Variants in NOXA1 observed in about 807,000 individuals in gnomAD.
NOXA1 encodes NCF2-like protein.
Under a neutral mutation model 64.8 loss-of-function variants are expected in NOXA1, and 56 were observed. The observed-to-expected ratio is 0.86, with a 90% CI of 0.70 to 1.08. The LOEUF is 1.08. Among genes scored for constraint, NOXA1 ranks in the 50% least tolerant of loss-of-function variants. The pLI is 0.00. For missense variants in NOXA1, 668 were observed against 658.5 expected (o/e 1.01, Z -0.16); for synonymous variants, 295 against 294.8 (o/e 1.00, Z -0.01).
chr9:137,431,773 C>T lies in NOXA1; in HGVS notation c.804+432C>T, dbSNP rs973364183. On this transcript the variant is annotated intron_variant, in intron 8 of 13. Transcript: ENST00000683555. This position sits in a 1 kb window ranked among gnomAD's most constrained non-coding sequence, Gnocchi z 5.6. ...AGCGACTCCATCCCCCGAGTCCTCC[C>T]GGACACCCCGGCACCTGGGGAGAGG... Among the ~76,000 whole-genome samples the T allele has an allele frequency of 2.6e-5, 4 of 152,176 alleles. No homozygotes were observed. The highest frequency in any genetic ancestry group is 1.3e-4 in the Admixed American group (2 of 15,288).
At chr9:137,433,360 G>T in intron 10 of NOXA1, 93 bp from the exon 11 acceptor site, 1 of 1,495,174 alleles carries the variant, frequency 6.7e-7, no homozygotes, top group South Asian at 1.3e-5. Context: ...CCCCTCACCT[G>T]CCCAGTCTCT....
At chr9:137,428,668 G>T in intron 3 of NOXA1, among the ~76,000 whole-genome samples, 1 of 149,114 alleles carries the variant, frequency 6.7e-6, no homozygotes, top group Non-Finnish European at 1.5e-5. Flanking sequence ...GGGGCCGGGT[G>T]GGGGGATTGG....
At chr9:137,425,409 G>A (rs755929438) in intron 1 of NOXA1, among the ~76,000 whole-genome samples, 2 of 151,992 alleles carry the variant, frequency 1.3e-5, no homozygotes, top group African/African-American at 4.8e-5. Flanking sequence ...TTTTTGAGAC[G>A]GAATCTCGCT....
chr9:137,424,076 G>A (rs1436311517), intron 1 of NOXA1, among the ~76,000 whole-genome samples: 4 of 152,118 alleles, frequency 2.6e-5, no homozygotes, highest in African/African-American at 7.2e-5. Flanking sequence ...CCCACTCCCC[G>A]AAACAGCCAG....
chr9:137,431,182 G>A lies in NOXA1; in HGVS notation c.699-54G>A. On this transcript the variant is annotated intron_variant, in intron 7 of 13. Coordinates refer to ENST00000683555, the MANE Select transcript of NOXA1 (RefSeq NM_001256067.2). The surrounding 1 kb of genome is among the most constrained non-coding windows in gnomAD (Gnocchi z 5.6). ...CTCCACATGGGGCCACGCGGGCCGG[G>A]CACAGGAGGGCAGTCAGATGGGCAG... 3 of 1,609,558 alleles carry A rather than the reference G, an allele frequency of 1.9e-6. No individual in the cohort carries two copies. Among genetic ancestry groups the A allele is most frequent in the Non-Finnish European group, 2.5e-6 (3 of 1,177,402 alleles).
intron 2 of NOXA1, 81 bp from the exon 3 acceptor site, chr9:137,427,952 C>T (rs28580293): frequency 7.4e-6 from 7 of 949,940 alleles, no homozygotes; most frequent in African/African-American, 4.9e-5. Context: ...GGGGGCGGCT[C>T]GAGCGGGGCT....
At chr9:137,433,431 T>C (rs1839207830) in intron 10 of NOXA1, 22 bp from the exon 11 acceptor site, 1 of 1,582,230 alleles carries the variant, frequency 6.3e-7, no homozygotes, top group Non-Finnish European at 8.6e-7. Context: ...CGACCACCCC[T>C]CCCCCTCCTG....
intron 4 of NOXA1, 115 bp downstream of exon 4, chr9:137,429,131 G>A (rs541148044): frequency 6.2e-5 from 87 of 1,405,378 alleles, no homozygotes; most frequent in African/African-American, 1.5e-4. Context: ...GCCCAGTTTC[G>A]GGTGCCAGGC....
intron 1 of NOXA1, 68 bp from the exon 2 acceptor site, chr9:137,426,180 C>A (rs1381411624): frequency 2.2e-6 from 3 of 1,392,146 alleles, no homozygotes; most frequent in Non-Finnish European, 3.1e-6. Flanking sequence ...TCACCCATCA[C>A]GCTGTATCTG....
chr9:137,425,346 T>C (rs1838809830), intron 1 of NOXA1, among the ~76,000 whole-genome samples: 2 of 152,222 alleles, frequency 1.3e-5, no homozygotes, highest in Non-Finnish European at 2.9e-5. Context: ...CTAATAGATT[T>C]CTAGGGTGTC....
rs1016539671 is a variant in NOXA1 at position 137,423,439 on chromosome 9, G to C, written c.-91G>C. The stretch of plus-strand genomic sequence containing the variant: ...TGGCGCCCGCACCTCTGCCCGCCTC[G>C]GAGACCCCGCAGCCCCGCGCCGCCG... On this transcript the variant is annotated 5_prime_UTR_variant, in exon 1 of 14. Transcript: ENST00000683555. 2.3e-6 allele frequency: 2 copies of C among 871,922 alleles called. No individual in the cohort carries two copies. The highest frequency in any genetic ancestry group is 4.2e-5 in the East Asian group (1 of 23,990). The allele number at this position is 871,922 out of a possible 1,614,324, so 54.0% of individuals were successfully genotyped here.
At position 137,432,278 on chromosome 9, in the gene NOXA1, T is replaced by TAAAAAA. The variant is rs1410283327; in HGVS notation, c.805-751_805-750insAAAAAA. On this transcript the variant is annotated intron_variant, in intron 8 of 13. Transcript: ENST00000683555. ...CTGGGCAAGACAGCAAGACCCTGTC[T>TAAAAAA]CAAAAAAAAAAAAAAAAAAAGCCAG... Among the ~76,000 whole-genome samples, 31 of 110,296 alleles carry TAAAAAA rather than the reference T, an allele frequency of 2.8e-4. 4 individuals carry two copies. Among genetic ancestry groups the TAAAAAA allele is most frequent in the South Asian group, 2.9e-4 (1 of 3,508 alleles). 72.4% of individuals were successfully genotyped at this position (110,296 alleles called of 152,430 possible).
rs537023642 is a variant in NOXA1 at position 137,423,432 on chromosome 9, C to A, written c.-98C>A. On this transcript the variant is annotated 5_prime_UTR_variant, in exon 1 of 14. Coordinates refer to ENST00000683555, the MANE Select transcript of NOXA1 (RefSeq NM_001256067.2). ...TGGCGCTTGGCGCCCGCACCTCTGC[C>A]CGCCTCGGAGACCCCGCAGCCCCGC... 32 of 800,926 alleles carry A rather than the reference C, an allele frequency of 4.0e-5. No individual in the cohort carries two copies. The African/African-American group carries it at 4.0e-4, about 10-fold the overall frequency. 49.6% of individuals were successfully genotyped at this position (800,926 alleles called of 1,614,324 possible). A position where few individuals can be genotyped will look rare whatever the true frequency, so the allele number is the denominator to read the frequency against.
intron 1 of NOXA1, among the ~76,000 whole-genome samples, chr9:137,424,706 G>A (rs1176268206): frequency 6.6e-6 from 1 of 152,176 alleles, no homozygotes; most frequent in Non-Finnish European, 1.5e-5. Context: ...CCATAGTGGT[G>A]GGATTACACA....
chr9:137,432,143 G>A (rs568037016), intron 8 of NOXA1, among the ~76,000 whole-genome samples: 4 of 152,172 alleles, frequency 2.6e-5, no homozygotes, highest in East Asian at 1.9e-4. Context: ...AATCGAGGCC[G>A]GGCACAGTGG....
Position 137,434,003 on chromosome 9 carries a change from C to T in NOXA1, c.1218C>T (p.Ala406=). 2 of 1,565,902 alleles carry T rather than the reference C, an allele frequency of 1.3e-6. No homozygotes were observed. Among genetic ancestry groups the T allele is most frequent in the Non-Finnish European group, 1.7e-6 (2 of 1,159,246 alleles). ...GGRPVLYQVV[A]QHSYSAQGPE... ...GGCCGGTCCTCTACCAGGTGGTGGC[C>T]CAGCACAGCTACTCCGCCCAGGGGC... is the stretch of plus-strand genomic sequence containing the variant. The change falls in exon 13 of 14, where the codon GCC becomes GCT. Residue 406 remains alanine, a synonymous_variant. Coordinates refer to ENST00000683555, the MANE Select transcript of NOXA1 (RefSeq NM_001256067.2).
In NOXA1 at chr9:137,431,115, C is replaced by T. The variant is rs377105808; in HGVS notation, c.698+15C>T. ...CATGATGCCAGGTAGGAGGGGCTGA[C>T]TGGGCCCTGCGAGCGCGTGCCTTTC... On this transcript the variant is annotated intron_variant, in intron 7 of 13. Coordinates refer to ENST00000683555, the MANE Select transcript of NOXA1 (RefSeq NM_001256067.2). This position sits in a 1 kb window ranked among gnomAD's most constrained non-coding sequence, Gnocchi z 5.6. 269 of 1,612,972 alleles carry T rather than the reference C, an allele frequency of 1.7e-4. 1 individual carries two copies. In the Middle Eastern group the frequency reaches 1.8e-3, roughly 11 times the overall value.
rs77027480 is a variant in NOXA1 at position 137,432,873 on chromosome 9, G to A, written c.805-156G>A. Among the ~76,000 whole-genome samples the A allele has an allele frequency of 6.0e-3, 916 of 152,308 alleles. 6 individuals are homozygous for A. The highest frequency in any genetic ancestry group is 0.014 in the Middle Eastern group (4 of 294). On this transcript the variant is annotated intron_variant, in intron 8 of 13. Transcript: ENST00000683555. The stretch of plus-strand genomic sequence containing the variant: ...GACCCAGCCCCATCCTAAGGCAGCC[G>A]ACTTGTGGCCAGTGCCCTGAATTCA...
intron 5 of NOXA1, 72 bp downstream of exon 5, chr9:137,429,455 G>C: frequency 9.1e-7 from 1 of 1,103,748 alleles, no homozygotes; most frequent in Non-Finnish European, 1.3e-6. Context: ...CCAGGGATGG[G>C]GGGAGGTGCA....
Sources: gnomAD v4.1 joint callset for allele counts (sites outside exome capture counted in the v4.1 genomes callset) on GRCh38, gnomAD v4.1.1 for gene constraint, Gnocchi (gnomAD v3.1) non-coding constraint, MANE v1.5 for transcripts, NCBI Gene and HGNC (gene_info 2026-07-23, HGNC 2026-07-21) for gene names.